Variants in DIS3L2 observed in about 807,000 individuals in gnomAD.
The protein encoded by DIS3L2 is DIS3 like 3'-5' exoribonuclease 2.
A neutral mutation model predicts 97.5 loss-of-function variants in DIS3L2; 34 were observed. The observed-to-expected ratio is 0.35, with a 90% CI of 0.27 to 0.46. The LOEUF (loss-of-function observed/expected upper bound fraction) is 0.46. DIS3L2 is among the 20% of genes least tolerant of loss of function. DIS3L2 has a pLI of 1.00. For synonymous variants in DIS3L2, 435 were observed against 445.2 expected (o/e 0.98, Z 0.29); for missense variants, 1,038 against 1,146.0 (o/e 0.91, Z 1.36).
At chr2:232,164,589 C>T (rs1369769068) in intron 9 of DIS3L2, among the ~76,000 whole-genome samples, 1 of 152,194 alleles carries the variant, frequency 6.6e-6, no homozygotes, top group African/African-American at 2.4e-5. Context: ...TTTGTGAATA[C>T]TCCCTCTCTG....
chr2:232,308,231 C>G (rs2106328170), intron 14 of DIS3L2, among the ~76,000 whole-genome samples: 1 of 152,308 alleles, frequency 6.6e-6, no homozygotes, highest in South Asian at 2.1e-4. Flanking sequence ...CTGATTGGCC[C>G]TTGTAGTAGA....
chr2:232,014,890 C>T lies in DIS3L2; in HGVS notation c.-38C>T. On this transcript the variant is annotated 5_prime_UTR_variant, in exon 2 of 21. Transcript: ENST00000325385. ...ACTCTGAGCTAAGCAGTGGAGGTTTCTCTGGATCTGGAGAGAAGAGTGACC... is the reference window on the plus strand; with the variant it reads ...ACTCTGAGCTAAGCAGTGGAGGTTTTTCTGGATCTGGAGAGAAGAGTGACC... The T allele has an allele frequency of 6.2e-7, 1 of 1,612,114 alleles. No homozygotes were observed. Among genetic ancestry groups the T allele is most frequent in the South Asian group, 1.1e-5 (1 of 90,756 alleles).
At chr2:232,296,585 C>T (rs1236647412) in intron 13 of DIS3L2, among the ~76,000 whole-genome samples, 1 of 152,178 alleles carries the variant, frequency 6.6e-6, no homozygotes, top group Non-Finnish European at 1.5e-5. Context: ...ATAAGCCTCA[C>T]AGGATCTGAT....
At chr2:231,982,519 A>G (rs1693290566) in intron 1 of DIS3L2, among the ~76,000 whole-genome samples, 1 of 152,170 alleles carries the variant, frequency 6.6e-6, no homozygotes. Context: ...TGTCAAGTTT[A>G]GTGTGAAGTA....
intron 1 of DIS3L2, among the ~76,000 whole-genome samples, chr2:232,007,364 C>T (rs987385294): frequency 2.0e-5 from 3 of 152,138 alleles, no homozygotes; most frequent in Non-Finnish European, 4.4e-5. Context: ...GAGGTTGATA[C>T]TTCCGCTCTC....
At chr2:232,128,951 T>G (rs1176710626) in intron 6 of DIS3L2, among the ~76,000 whole-genome samples, 1 of 152,216 alleles carries the variant, frequency 6.6e-6, no homozygotes, top group Non-Finnish European at 1.5e-5. Flanking sequence ...TGCCAGGATA[T>G]CCTTCTGAAT....
intron 1 of DIS3L2, among the ~76,000 whole-genome samples, chr2:231,976,564 G>A (rs1182151770): frequency 6.6e-6 from 1 of 151,530 alleles, no homozygotes; most frequent in East Asian, 2.0e-4. Flanking sequence ...GGGAGGTGGA[G>A]GTTGTAGTGA....
chr2:232,166,408 T>C (rs1412758298), intron 9 of DIS3L2, among the ~76,000 whole-genome samples: 1 of 152,182 alleles, frequency 6.6e-6, no homozygotes, highest in Non-Finnish European at 1.5e-5. Flanking sequence ...CTGCTATTCA[T>C]GAAGTAACAA....
At chr2:232,109,385 GA>G (rs1408071965) in intron 6 of DIS3L2, among the ~76,000 whole-genome samples, 1 of 152,088 alleles carries the variant, frequency 6.6e-6, no homozygotes, top group Admixed American at 6.6e-5. Context: ...AGGTTGCAGG[GA>G]GCCGAGATTG....
At chr2:232,307,269 G>T (rs1453711743) in intron 14 of DIS3L2, among the ~76,000 whole-genome samples, 2 of 152,218 alleles carry the variant, frequency 1.3e-5, no homozygotes, top group Admixed American at 1.3e-4. Context: ...AAGGGAAGGT[G>T]GGGGACCTGA....
chr2:231,970,596 G>A (rs1692877593), intron 1 of DIS3L2, among the ~76,000 whole-genome samples: 1 of 152,162 alleles, frequency 6.6e-6, no homozygotes, highest in Non-Finnish European at 1.5e-5. Context: ...CACCTGTATA[G>A]GGCATTGACC....
intron 9 of DIS3L2, among the ~76,000 whole-genome samples, chr2:232,177,267 C>T (rs1255126193): frequency 1.4e-5 from 2 of 145,736 alleles, no homozygotes; most frequent in African/African-American, 2.5e-5. Flanking sequence ...AATAAACATA[C>T]GTGTGCATGT....
At chr2:231,970,232 G>A (rs1313997000) in intron 1 of DIS3L2, among the ~76,000 whole-genome samples, 2 of 152,172 alleles carry the variant, frequency 1.3e-5, no homozygotes, top group Non-Finnish European at 2.9e-5. Flanking sequence ...ACAGGTGTGA[G>A]CCACTGCACC....
At chr2:232,133,079 T>C (rs1201531888) in intron 7 of DIS3L2, among the ~76,000 whole-genome samples, 1 of 152,140 alleles carries the variant, frequency 6.6e-6, no homozygotes, top group East Asian at 1.9e-4. Flanking sequence ...TCTTTATCCT[T>C]GTGGGCCAGA....
chr2:232,337,952 C>T (rs1299652151), downstream of DIS3L2, among the ~76,000 whole-genome samples: 2 of 149,846 alleles, frequency 1.3e-5, no homozygotes, highest in Non-Finnish European at 2.9e-5. Context: ...GTCTGTGTGT[C>T]CTGCCACCCC....
chr2:232,000,725 C>CTT (rs35247478), intron 1 of DIS3L2, among the ~76,000 whole-genome samples: 14 of 91,142 alleles, frequency 1.5e-4, no homozygotes, highest in East Asian at 3.2e-4. Flanking sequence ...TCTTCTTCTT[C>CTT]TTTTTTTTTT....
At chr2:231,995,650 T>C (rs1693713443) in intron 1 of DIS3L2, among the ~76,000 whole-genome samples, 1 of 152,234 alleles carries the variant, frequency 6.6e-6, no homozygotes, top group South Asian at 2.1e-4. Flanking sequence ...CTCTATAGCC[T>C]CAGTTTCTAC....
intron 11 of DIS3L2, among the ~76,000 whole-genome samples, chr2:232,247,627 GGGGGGGGGCGGGGGGGA>G (rs1693294503): frequency 3.1e-5 from 2 of 65,108 alleles, no homozygotes; most frequent in African/African-American, 4.6e-5. Flanking sequence ...GGGGGGGGGG[GGGGGGGGGCGGGGGGGA>G]GGGTGCCAAT....
intron 9 of DIS3L2, among the ~76,000 whole-genome samples, chr2:232,174,786 G>A (rs867151737): frequency 9.2e-5 from 14 of 151,882 alleles, no homozygotes; most frequent in African/African-American, 3.4e-4. Context: ...ATTAATGGAA[G>A]TGTGCCTCTC....
Sources: gnomAD v4.1 joint callset for allele counts (sites outside exome capture counted in the v4.1 genomes callset) on GRCh38, gnomAD v4.1.1 for gene constraint, MANE v1.5 for transcripts, NCBI Gene and HGNC (gene_info 2026-07-23, HGNC 2026-07-21) for gene names.